SGPP1: variants seen among roughly 807,000 people sequenced by gnomAD.
SGPP1 encodes the protein sphingosine-1-phosphate phosphatase 1.
In SGPP1, 21 loss-of-function variants were observed where a neutral mutation model predicts 33.0. That is an observed-to-expected ratio of 0.64 (90% CI 0.45 to 0.92). SGPP1 has a LOEUF of 0.92. Among genes scored for constraint, SGPP1 ranks in the 40% least tolerant of loss-of-function variants. SGPP1 has a pLI of 0.00. For missense variants in SGPP1, 543 were observed against 589.4 expected (o/e 0.92, Z 0.81); for synonymous variants, 239 against 241.2 (o/e 0.99, Z 0.08).
chr14:63,700,180 G>C (rs1204352511), intron 1 of SGPP1, among the ~76,000 whole-genome samples: 1 of 152,092 alleles, frequency 6.6e-6, no homozygotes, highest in Admixed American at 6.6e-5. Flanking sequence ...TACAGGTGCA[G>C]TGAGCCAATG....
chr14:63,721,399 A>G (rs1225230418), intron 1 of SGPP1, among the ~76,000 whole-genome samples: 2 of 151,900 alleles, frequency 1.3e-5, no homozygotes, highest in African/African-American at 4.8e-5. Context: ...AGCCACGATC[A>G]TGCCACTGCA....
chr14:63,716,095 C>T (rs889144201), intron 1 of SGPP1, among the ~76,000 whole-genome samples: 4 of 151,970 alleles, frequency 2.6e-5, no homozygotes, highest in African/African-American at 9.7e-5. Flanking sequence ...GTAAAAATTA[C>T]CAAGCAAGGA....
At chr14:63,716,258 C>A (rs759533312) in intron 1 of SGPP1, among the ~76,000 whole-genome samples, 87 of 152,160 alleles carry the variant, frequency 5.7e-4, no homozygotes, top group Non-Finnish European at 1.2e-4. Context: ...CTTTGGGAAA[C>A]GGGGGTGAGA....
At position 63,702,700 on chromosome 14, in the gene SGPP1, ACT is replaced by A. The variant is rs373775910; in HGVS notation, c.685-4044_685-4043del. 7.2e-4 allele frequency among the ~76,000 whole-genome samples: 110 copies of A among 152,120 alleles called. 2 individuals carry two copies. The East Asian group carries it at 0.012, about 17-fold the overall frequency. On this transcript the variant is annotated intron_variant, in intron 1 of 2. Transcript: ENST00000247225. ...ACTACAGCCTGGGTGAAGAAGTGAGACTCTGTCTAAAAAAAAATTAAAAAGAA... is the reference window on the plus strand; with the variant it reads ...ACTACAGCCTGGGTGAAGAAGTGAGACTGTCTAAAAAAAAATTAAAAAGAA...
Position 63,728,044 on chromosome 14 carries a change from C to T in SGPP1, c.-100G>A, listed in dbSNP as rs1368265150. ...CAGCGGAACCGGCACAGCGCTCTAC[C>T]CTCCGGAGTCTGCCGGGTGACGGCG... is the stretch of plus-strand genomic sequence containing the variant. On this transcript the variant is annotated 5_prime_UTR_variant, in exon 1 of 3. Coordinates refer to ENST00000247225, the MANE Select transcript of SGPP1 (RefSeq NM_030791.4). 4 of 1,217,746 alleles carry T rather than the reference C, an allele frequency of 3.3e-6. No individual in the cohort carries two copies. The highest frequency in any genetic ancestry group is 4.2e-6 in the Non-Finnish European group (4 of 962,392). The allele number at this position is 1,217,746 out of a possible 1,614,324, so 75.4% of individuals were successfully genotyped here.
rs562579122 is a variant in SGPP1 at position 63,685,975 on chromosome 14, G to A, written c.*130C>T. The A allele has an allele frequency of 3.3e-5, 19 of 576,234 alleles. No homozygotes were observed. The highest frequency in any genetic ancestry group is 2.7e-4 in the African/African-American group (14 of 52,828). 35.7% of individuals were successfully genotyped at this position (576,234 alleles called of 1,614,324 possible). ...AATGATAAAATGCACTGACTCTTATGAATTTACTTAAATAATTATTTAAGT... is the reference window on the plus strand; with the variant it reads ...AATGATAAAATGCACTGACTCTTATAAATTTACTTAAATAATTATTTAAGT... On this transcript the variant is annotated 3_prime_UTR_variant, in exon 3 of 3. Transcript: ENST00000247225.
chr14:63,721,434 A>G lies in SGPP1; in HGVS notation c.684+5827T>C, dbSNP rs150057730. On this transcript the variant is annotated intron_variant, in intron 1 of 2. Coordinates refer to ENST00000247225, the MANE Select transcript of SGPP1 (RefSeq NM_030791.4). ...ACTCCAGCCTGGTGACAAGAACAAG[A>G]CTTCGTATCCAGAAAAAAAAAAAAG... Among the ~76,000 whole-genome samples, 231 of 152,092 alleles carry G rather than the reference A, an allele frequency of 1.5e-3. 3 individuals are homozygous for G. Among genetic ancestry groups the G allele is most frequent in the Admixed American group, 4.8e-3 (74 of 15,264 alleles).
intron 1 of SGPP1, among the ~76,000 whole-genome samples, chr14:63,706,547 T>C (rs1885411141): frequency 1.3e-5 from 2 of 152,214 alleles, no homozygotes; most frequent in Non-Finnish European, 2.9e-5. Flanking sequence ...TGTATTACTA[T>C]AATATGTGTC....
rs1243580490 is a variant in SGPP1, at chr14:63,686,371, C to A, written c.1060G>T (p.Gly354Trp). Residue 354 changes from glycine to tryptophan, a missense_variant, in exon 3 of 3, where the codon GGG (glycine) becomes TGG (tryptophan). Gly to Trp is a radical substitution (Grantham distance 184, BLOSUM62 -2). Coordinates refer to ENST00000247225, the MANE Select transcript of SGPP1 (RefSeq NM_030791.4). ...DPSLDTLPLA[G>W]PPITVTLFGK... ...AACAGAGTCACAGTAATGGGGGGCC[C>A]AGCTAAAGGTAATGTATCTAGAGAA... The A allele has an allele frequency of 6.2e-7, 1 of 1,614,064 alleles. No homozygotes were observed. The highest frequency in any genetic ancestry group is 8.5e-7 in the Non-Finnish European group (1 of 1,179,996).
intron 1 of SGPP1, among the ~76,000 whole-genome samples, chr14:63,709,516 A>G (rs1480766880): frequency 7.4e-4 from 112 of 152,000 alleles, no homozygotes; most frequent in Non-Finnish European, 1.5e-5. Context: ...TTCTTACTTT[A>G]TATTTTTATC....
chr14:63,720,849 G>T (rs1885756743), intron 1 of SGPP1, among the ~76,000 whole-genome samples: 1 of 152,160 alleles, frequency 6.6e-6, no homozygotes, highest in East Asian at 1.9e-4. Context: ...GTCTAACACT[G>T]AATCCTTCAG....
In SGPP1 at chr14:63,685,237, C is replaced by G. The variant is rs1321386490; in HGVS notation, c.*868G>C. On this transcript the variant is annotated 3_prime_UTR_variant, in exon 3 of 3. Coordinates refer to ENST00000247225, the MANE Select transcript of SGPP1 (RefSeq NM_030791.4). Reference sequence around the variant, plus strand: ...AGTTAAGGGTAATTTACTTTTATGCCTGTCACCCTGACATACATTTTTTAA... The same window carrying G: ...AGTTAAGGGTAATTTACTTTTATGCGTGTCACCCTGACATACATTTTTTAA... The G allele has an allele frequency of 6.6e-6, 1 of 152,446 alleles. No homozygotes were observed. Among genetic ancestry groups the G allele is most frequent in the Non-Finnish European group, 1.5e-5 (1 of 67,908 alleles). The allele number at this position is 152,446 out of a possible 1,614,324, so 9.4% of individuals were successfully genotyped here.
chr14:63,691,842 T>C (rs1362886210), intron 2 of SGPP1, among the ~76,000 whole-genome samples: 1 of 152,116 alleles, frequency 6.6e-6, no homozygotes, highest in Non-Finnish European at 1.5e-5. Flanking sequence ...ACCTTATTTA[T>C]ACATATATTT....
In SGPP1 at chr14:63,698,665, G is replaced by T. The variant is rs769513471; in HGVS notation, c.685-7C>A. On this transcript the variant is annotated splice_region_variant and splice_polypyrimidine_tract_variant and intron_variant, in intron 1 of 2. Transcript: ENST00000247225. Reference sequence around the variant, plus strand: ...GTCCATATATAAGAGGGTACTAAAGGGGAAAAAAAGTAAAATTAGTTAAAC... The same window carrying T: ...GTCCATATATAAGAGGGTACTAAAGTGGAAAAAAAGTAAAATTAGTTAAAC... 4.7e-6 allele frequency: 7 copies of T among 1,486,942 alleles called. No individual in the cohort carries two copies. In the South Asian group the frequency reaches 7.5e-5, roughly 16 times the overall value. The allele number at this position is 1,486,942 out of a possible 1,614,324, so 92.1% of individuals were successfully genotyped here.
intron 1 of SGPP1, among the ~76,000 whole-genome samples, chr14:63,724,727 G>C (rs1034153412): frequency 6.6e-6 from 1 of 150,644 alleles, no homozygotes; most frequent in Non-Finnish European, 1.5e-5. Flanking sequence ...GCCGATGAGC[G>C]GGGGGCGGCT....
chr14:63,697,364 AT>A (rs1390250430), intron 2 of SGPP1, among the ~76,000 whole-genome samples: 5 of 148,456 alleles, frequency 3.4e-5, no homozygotes, highest in Non-Finnish European at 7.4e-5. Context: ...ATGAAATAAT[AT>A]GAGAAAAAAA....
chr14:63,707,817 G>A (rs893848600), intron 1 of SGPP1, among the ~76,000 whole-genome samples: 4 of 152,022 alleles, frequency 2.6e-5, no homozygotes, highest in African/African-American at 9.7e-5. Context: ...AACTTCTCCA[G>A]TGTCTTGTGT....
chr14:63,711,696 C>G (rs1018233248), intron 1 of SGPP1, among the ~76,000 whole-genome samples: 1 of 152,138 alleles, frequency 6.6e-6, no homozygotes, highest in Non-Finnish European at 1.5e-5. Flanking sequence ...TGTCTAAAAA[C>G]TACTTTCAGA....
chr14:63,697,605 G>GA (rs1404199129), intron 2 of SGPP1, among the ~76,000 whole-genome samples: 1 of 152,112 alleles, frequency 6.6e-6, no homozygotes, highest in Non-Finnish European at 1.5e-5. Flanking sequence ...GACAGATAAG[G>GA]AAAAAAGCAA....
Sources: gnomAD v4.1 joint callset for allele counts (sites outside exome capture counted in the v4.1 genomes callset) on GRCh38, gnomAD v4.1.1 for gene constraint, MANE v1.5 for transcripts, NCBI Gene and HGNC (gene_info 2026-07-23, HGNC 2026-07-21) for gene names.